LDB2: variants seen among roughly 807,000 people sequenced by gnomAD.
LDB2 encodes LIM domain-binding protein 2.
LDB2 carries 12 observed loss-of-function variants against 44.3 expected under a neutral mutation model. The ratio of observed to expected loss-of-function variants is 0.27; its 90% confidence interval spans 0.17 to 0.44. The LOEUF is 0.44. Among genes scored for constraint, LDB2 ranks in the 20% least tolerant of loss-of-function variants. The probability of loss-of-function intolerance (pLI) is 1.00; values close to 1 mark genes in which losing one functional copy is unlikely to be tolerated. For missense variants in LDB2, 344 were observed against 473.5 expected, an observed-to-expected ratio of 0.73 and a Z score of 2.54; for synonymous variants, 164 against 174.8, an observed-to-expected ratio of 0.94 and a Z score of 0.49.
intron 1 of LDB2, among the ~76,000 whole-genome samples, chr4:16,879,878 T>C (rs1451670462): frequency 6.6e-6 from 1 of 152,176 alleles, no homozygotes; most frequent in Non-Finnish European, 1.5e-5. Flanking sequence ...TCATTCACAC[T>C]GCATTCTATG....
intron 1 of LDB2, among the ~76,000 whole-genome samples, chr4:16,783,318 G>A (rs1284160514): frequency 2.6e-5 from 4 of 152,228 alleles, no homozygotes; most frequent in African/African-American, 9.6e-5. Context: ...TACAGTAGAT[G>A]TTTATGGTCA....
intron 2 of LDB2, chr4:16,626,709 A>T (rs1384779378): frequency 6.6e-6 from 1 of 151,678 alleles, no homozygotes; most frequent in Non-Finnish European, 1.5e-5. Context: ...TGGTTTTCTC[A>T]TCAATAAGTA....
chr4:16,506,188 G>A, intron 7 of LDB2: 1 of 489,404 alleles, frequency 2.0e-6, no homozygotes. Context: ...TAAAAGATAT[G>A]GTCACCACAA....
chr4:16,731,848 T>C (rs1196371139), intron 2 of LDB2, among the ~76,000 whole-genome samples: 3 of 152,166 alleles, frequency 2.0e-5, no homozygotes, highest in Non-Finnish European at 4.4e-5. Context: ...CATCTAGGTC[T>C]ATGTGCTTCC....
At chr4:16,811,174 A>C (rs75954716) in intron 1 of LDB2, among the ~76,000 whole-genome samples, 1 of 152,190 alleles carries the variant, frequency 6.6e-6, no homozygotes, top group Non-Finnish European at 1.5e-5. Flanking sequence ...AAGTGAACTG[A>C]TTCATGGGAT....
rs558144607 is a variant in LDB2 at position 16,774,991 on chromosome 4, A to G, written c.133-15731T>C. On this transcript the variant is annotated intron_variant, in intron 1 of 7. Transcript: ENST00000304523. The stretch of plus-strand genomic sequence containing the variant: ...AAGAAAATTCAGATGCATGCTGTGT[A>G]TAACATGTGCCTCAAAACACTATGG... Among the ~76,000 whole-genome samples the G allele has an allele frequency of 1.9e-3, 285 of 152,358 alleles. 3 individuals carry two copies. The highest frequency in any genetic ancestry group is 3.0e-3 in the Non-Finnish European group (203 of 68,028).
At chr4:16,596,922 T>C (rs1043918930) in intron 2 of LDB2, among the ~76,000 whole-genome samples, 1 of 152,202 alleles carries the variant, frequency 6.6e-6, no homozygotes, top group Non-Finnish European at 1.5e-5. Flanking sequence ...TAAGGCAAAG[T>C]TCTAAAGCAC....
intron 2 of LDB2, among the ~76,000 whole-genome samples, chr4:16,697,605 C>T (rs1752472681): frequency 6.6e-6 from 1 of 152,166 alleles, no homozygotes; most frequent in Non-Finnish European, 1.5e-5. Context: ...CCCCTGTTTC[C>T]TGCAACTGCT....
intron 5 of LDB2, among the ~76,000 whole-genome samples, chr4:16,568,156 T>TA (rs1745212479): frequency 6.6e-6 from 1 of 152,200 alleles, no homozygotes; most frequent in African/African-American, 2.4e-5. Context: ...CTGTGTAAAT[T>TA]AGACTGTAAG....
chr4:16,603,634 T>A (rs922375533), intron 2 of LDB2, among the ~76,000 whole-genome samples: 1 of 152,214 alleles, frequency 6.6e-6, no homozygotes, highest in African/African-American at 2.4e-5. Context: ...TCTGTATTAC[T>A]CTTTTATGTC....
At chr4:16,724,163 T>A (rs2152686908) in intron 2 of LDB2, among the ~76,000 whole-genome samples, 1 of 152,194 alleles carries the variant, frequency 6.6e-6, no homozygotes, top group African/African-American at 2.4e-5. Flanking sequence ...TAAATTTAAA[T>A]GTGACACATT....
chr4:16,765,547 C>T lies in LDB2; in HGVS notation c.133-6287G>A, dbSNP rs374999822. On this transcript the variant is annotated intron_variant, in intron 1 of 7. Coordinates refer to ENST00000304523, the MANE Select transcript of LDB2 (RefSeq NM_001290.5). ...TCCTAAAGTATGCTCCAGCAGACTA[C>T]GTTACTTAAGGATAGGGAATGGACA... Among the ~76,000 whole-genome samples the T allele has an allele frequency of 9.7e-4, 148 of 152,332 alleles. 1 individual carries two copies. Among genetic ancestry groups the T allele is most frequent in the African/African-American group, 3.3e-3 (138 of 41,578 alleles).
At chr4:16,541,448 A>G (rs1052144014) in intron 5 of LDB2, among the ~76,000 whole-genome samples, 2 of 152,196 alleles carry the variant, frequency 1.3e-5, no homozygotes, top group African/African-American at 4.8e-5. Flanking sequence ...TACAGCCTGC[A>G]GAACCATGAG....
At chr4:16,663,073 AGCTTTTC>A (rs1481653202) in intron 2 of LDB2, among the ~76,000 whole-genome samples, 1 of 152,104 alleles carries the variant, frequency 6.6e-6, no homozygotes, top group Non-Finnish European at 1.5e-5. Context: ...AAGAAAATAA[AGCTTTTC>A]TTCTAGGGAG....
intron 2 of LDB2, among the ~76,000 whole-genome samples, chr4:16,715,647 C>A (rs1011919118): frequency 6.6e-6 from 1 of 152,160 alleles, no homozygotes; most frequent in East Asian, 1.9e-4. Context: ...CATTACATGA[C>A]TTTCACATAT....
intron 5 of LDB2, among the ~76,000 whole-genome samples, chr4:16,529,233 C>T (rs774373901): frequency 2.0e-5 from 3 of 152,088 alleles, no homozygotes; most frequent in Admixed American, 6.6e-5. Context: ...GGCCCCAGAC[C>T]GAATCAATTA....
chr4:16,752,395 TG>T (rs1434549120), intron 2 of LDB2: 1 of 452,836 alleles, frequency 2.2e-6, no homozygotes, highest in Non-Finnish European at 4.4e-6. Flanking sequence ...GGAACTTGTT[TG>T]TTTAACTCAC....
At chr4:16,836,391 C>T (rs1053726731) in intron 1 of LDB2, among the ~76,000 whole-genome samples, 1 of 152,188 alleles carries the variant, frequency 6.6e-6, no homozygotes, top group African/African-American at 2.4e-5. Flanking sequence ...ATCATATGAA[C>T]ATCTTAGTTA....
chr4:16,700,006 G>A (rs1285927597), intron 2 of LDB2, among the ~76,000 whole-genome samples: 2 of 152,212 alleles, frequency 1.3e-5, no homozygotes, highest in Non-Finnish European at 2.9e-5. Context: ...GGGGCCAGAT[G>A]TGTTTAGGAT....
Sources: allele counts gnomAD v4.1 joint callset (sites outside exome capture counted in the v4.1 genomes callset), GRCh38; gene constraint gnomAD v4.1.1; transcripts MANE v1.5; gene names NCBI Gene and HGNC (gene_info 2026-07-23, HGNC 2026-07-21).